Variants in NBEAL1 observed in about 807,000 individuals in gnomAD.
NBEAL1 encodes the protein neurobeachin-like protein 1.
NBEAL1 carries 273 observed loss-of-function variants against 351.3 expected under a neutral mutation model. The ratio of observed to expected loss-of-function variants is 0.78; its 90% CI spans 0.70 to 0.86. The LOEUF is 0.86. Among genes scored for constraint, NBEAL1 ranks in the 40% least tolerant of loss-of-function variants. The pLI, the probability that NBEAL1 is intolerant of heterozygous loss-of-function variation, is 0.00. For synonymous variants in NBEAL1, 1,050 were observed against 1,086.4 expected (o/e 0.97, Z 0.66); for missense variants, 2,961 against 3,201.3 (o/e 0.92, Z 1.81).
chr2:203,019,884 T>G (rs918904797), intron 2 of NBEAL1, among the ~76,000 whole-genome samples: 2 of 152,160 alleles, frequency 1.3e-5, no homozygotes, highest in Non-Finnish European at 1.5e-5. Context: ...GTCCTTTAAG[T>G]AGAATTAAAA....
At position 203,224,367 on chromosome 2, in the gene NBEAL1, T is replaced by C. The variant is rs1393807152; in HGVS notation, c.*7013T>C. On this transcript the variant is annotated 3_prime_UTR_variant, in exon 56 of 56. Coordinates refer to ENST00000683969, the MANE Select transcript of NBEAL1 (RefSeq NM_001378026.1). ...TCATTCCTCCAGTTGTTTGCTTTTA[T>C]AGACTTGGAGCAAAAAATATAGCAA... is the stretch of plus-strand genomic sequence containing the variant. 6.6e-6 allele frequency among the ~76,000 whole-genome samples: 1 copy of C among 152,134 alleles called. No individual in the cohort carries two copies. The highest frequency in any genetic ancestry group is 1.5e-5 in the Non-Finnish European group (1 of 67,964).
chr2:203,031,298 C>T (rs1251514137), intron 2 of NBEAL1, among the ~76,000 whole-genome samples: 1 of 152,146 alleles, frequency 6.6e-6, no homozygotes, highest in Non-Finnish European at 1.5e-5. Flanking sequence ...CTAAGCTTTT[C>T]GTCAGAAAAC....
Position 203,171,912 on chromosome 2 carries a change from T to G in NBEAL1, c.6103-16T>G. The G allele has an allele frequency of 6.7e-7, 1 of 1,503,606 alleles. No homozygotes were observed. The highest frequency in any genetic ancestry group is 9.1e-7 in the Non-Finnish European group (1 of 1,102,416). 93.1% of individuals were successfully genotyped at this position (1,503,606 alleles called of 1,614,324 possible). On this transcript the variant is annotated splice_polypyrimidine_tract_variant and intron_variant, in intron 39 of 55. Transcript: ENST00000683969. ...GATTTTTAAATTTTGATATTGCTCTTTTTTGTGCTGTCTAGAAATGGGTAA... is the reference window on the plus strand; with the variant it reads ...GATTTTTAAATTTTGATATTGCTCTGTTTTGTGCTGTCTAGAAATGGGTAA...
At chr2:203,116,663 G>T (rs920807662) in intron 18 of NBEAL1, among the ~76,000 whole-genome samples, 1 of 151,006 alleles carries the variant, frequency 6.6e-6, no homozygotes, top group Non-Finnish European at 1.5e-5. Context: ...AGTGGCATGC[G>T]CCTGTAGTCC....
chr2:203,088,437 G>C (rs2062007702), intron 10 of NBEAL1, among the ~76,000 whole-genome samples: 1 of 152,098 alleles, frequency 6.6e-6, no homozygotes, highest in Non-Finnish European at 1.5e-5. Flanking sequence ...GGTCACCAAA[G>C]CCCAAAGGAG....
chr2:203,156,456 A>G (rs568290460), intron 35 of NBEAL1, among the ~76,000 whole-genome samples: 7 of 152,290 alleles, frequency 4.6e-5, no homozygotes, highest in Admixed American at 3.3e-4. Context: ...TATAAAGTCA[A>G]TTTCCTATTT....
intron 6 of NBEAL1, 40 bp downstream of exon 6, chr2:203,057,493 T>G: frequency 6.7e-7 from 1 of 1,492,950 alleles, no homozygotes; most frequent in Non-Finnish European, 9.1e-7. Flanking sequence ...AAAACCTGAA[T>G]GTCATAATAT....
chr2:203,109,151 A>G (rs2106236242), intron 14 of NBEAL1, among the ~76,000 whole-genome samples: 1 of 152,304 alleles, frequency 6.6e-6, no homozygotes, highest in African/African-American at 2.4e-5. Flanking sequence ...GAGGTCAGGA[A>G]TTCAAGACCA....
At chr2:203,213,396 C>T in intron 54 of NBEAL1, 122 bp from the exon 55 acceptor site, 2 of 871,806 alleles carry the variant, frequency 2.3e-6, no homozygotes, top group South Asian at 3.7e-5. Context: ...GACACAAGTT[C>T]CCACATCTGT....
intron 35 of NBEAL1, among the ~76,000 whole-genome samples, chr2:203,154,983 T>C (rs550943514): frequency 7.0e-6 from 1 of 143,486 alleles, no homozygotes; most frequent in East Asian, 2.1e-4. Flanking sequence ...TGGTGGCTCA[T>C]ACCTGTAATC....
At chr2:203,190,829 G>A in intron 46 of NBEAL1, 2 of 1,610,902 alleles carry the variant, frequency 1.2e-6, no homozygotes, top group Non-Finnish European at 1.7e-6. Context: ...TACCTGAGGT[G>A]CACCGGAGGT....
chr2:203,212,434 C>G (rs1457230191), intron 54 of NBEAL1, among the ~76,000 whole-genome samples: 1 of 151,162 alleles, frequency 6.6e-6, no homozygotes, highest in Non-Finnish European at 1.5e-5. Context: ...TAGTGAAACC[C>G]CATCTCTACT....
intron 17 of NBEAL1, among the ~76,000 whole-genome samples, chr2:203,114,574 A>G (rs780951949): frequency 5.9e-4 from 90 of 152,192 alleles, no homozygotes; most frequent in Non-Finnish European, 2.6e-4. Context: ...TTTCAAAATT[A>G]TATGTATATT....
At chr2:203,196,891 G>A (rs569299362) in intron 47 of NBEAL1, among the ~76,000 whole-genome samples, 29 of 152,234 alleles carry the variant, frequency 1.9e-4, no homozygotes, top group Non-Finnish European at 3.1e-4. Context: ...TTTTTTAAAA[G>A]TTAGACCCAA....
At chr2:203,117,866 T>G (rs1012242367) in intron 18 of NBEAL1, among the ~76,000 whole-genome samples, 1 of 151,974 alleles carries the variant, frequency 6.6e-6, no homozygotes, top group African/African-American at 2.4e-5. Flanking sequence ...TTTTTGTATT[T>G]TTTATAGAGA....
chr2:203,175,371 A>AT (rs2064468922), intron 42 of NBEAL1, 84 bp downstream of exon 42: 1 of 1,369,946 alleles, frequency 7.3e-7, no homozygotes, highest in Non-Finnish European at 1.0e-6. Flanking sequence ...ACTGTGTAAC[A>AT]TGTCTTTTTT....
chr2:203,031,780 A>G (rs918582845), intron 2 of NBEAL1, among the ~76,000 whole-genome samples: 1 of 152,240 alleles, frequency 6.6e-6, no homozygotes, highest in African/African-American at 2.4e-5. Context: ...AGGAAAATTT[A>G]AATACATATG....
rs2064461851 is a variant in NBEAL1, at chr2:203,175,213, T to A, written c.6390T>A (p.Asn2130Lys). The change falls in exon 42 of 56, where the codon AAT (asparagine) becomes AAA (lysine). Residue 2130 changes from asparagine (N) to lysine (K), a missense_variant. Asn to Lys is a moderately conservative substitution (Grantham distance 94, BLOSUM62 0). Coordinates refer to ENST00000683969, the MANE Select transcript of NBEAL1 (RefSeq NM_001378026.1). ...TTCACTATGGTACTCACTATTCAAA[T>A]TCTGCGGGGGTCATGCACTATCTCA... Reference protein sequence around the residue: ...DKFHYGTHYSNSAGVMHYLIR... With the variant: ...DKFHYGTHYSKSAGVMHYLIR... 3.7e-6 allele frequency: 6 copies of A among 1,613,944 alleles called. No individual in the cohort carries two copies. The highest frequency in any genetic ancestry group is 1.3e-5 in the African/African-American group (1 of 75,064).
rs935497328 is a variant in NBEAL1, at chr2:203,144,126, G to T, written c.4849-474G>T. Among the ~76,000 whole-genome samples, 6 of 148,628 alleles carry T rather than the reference G, an allele frequency of 4.0e-5. No homozygotes were observed. In the East Asian group the frequency reaches 1.2e-3, roughly 30 times the overall value. ...CTTGGGAGGCTGAGGCAGGAGAATCGCTTGAACCCAGGAGGTGGAGGTTGC... is the reference window on the plus strand; with the variant it reads ...CTTGGGAGGCTGAGGCAGGAGAATCTCTTGAACCCAGGAGGTGGAGGTTGC... On this transcript the variant is annotated intron_variant, in intron 31 of 55. Coordinates refer to ENST00000683969, the MANE Select transcript of NBEAL1 (RefSeq NM_001378026.1).
Sources: gnomAD v4.1 joint callset for allele counts (sites outside exome capture counted in the v4.1 genomes callset) on GRCh38, gnomAD v4.1.1 for gene constraint, MANE v1.5 for transcripts, NCBI Gene and HGNC (gene_info 2026-07-23, HGNC 2026-07-21) for gene names.